INSL6: variants seen among roughly 807,000 people sequenced by gnomAD.
INSL6 encodes insulin-like peptide INSL6.
Under a neutral mutation model 9.4 loss-of-function variants are expected in INSL6, and 16 were observed. The observed-to-expected ratio is 1.70, with a 90% CI of 1.15 to 2.59. INSL6 has a LOEUF of 2.59. Among genes scored for constraint, INSL6 ranks in the 30% most tolerant of loss-of-function variants. The pLI, the probability that INSL6 is intolerant of heterozygous loss-of-function variation, is 0.00. For missense variants in INSL6, 391 were observed against 257.3 expected (o/e 1.52, Z -3.56); for synonymous variants, 154 against 96.9 (o/e 1.59, Z -3.46).
At chr9:5,153,141 G>GTT (rs57869658) in intron 2 of INSL6, among the ~76,000 whole-genome samples, 5 of 146,888 alleles carry the variant, frequency 3.4e-5, no homozygotes, top group African/African-American at 2.5e-5. Flanking sequence ...GCTAGCTGCA[G>GTT]TTTTTTTTTT....
chr9:5,126,357 G>C (rs1564029535), intron 3 of INSL6: 2 of 1,608,684 alleles, frequency 1.2e-6, no homozygotes, highest in Admixed American at 3.4e-5. Flanking sequence ...GATTGGCAAT[G>C]ACAAACAAGG....
At chr9:5,168,690 T>G (rs1386925640) in intron 1 of INSL6, among the ~76,000 whole-genome samples, 1 of 152,056 alleles carries the variant, frequency 6.6e-6, no homozygotes, top group Admixed American at 6.6e-5. Flanking sequence ...TTCCCCAAAT[T>G]AGCAAGACAG....
chr9:5,113,056 G>A, the INSL6 span, among the ~76,000 whole-genome samples: 1 of 152,108 alleles, frequency 6.6e-6, no homozygotes, highest in African/African-American at 2.4e-5. Flanking sequence ...GGGTCCAGGA[G>A]CTCCCTGGGA....
downstream of INSL6, among the ~76,000 whole-genome samples, chr9:5,122,588 T>TCC (rs1335781065): frequency 6.6e-6 from 1 of 152,048 alleles, no homozygotes; most frequent in Admixed American, 6.6e-5. Flanking sequence ...CCCAAGACCA[T>TCC]CCCCAGGTTG....
chr9:5,122,479 T>A (rs1823691931), downstream of INSL6, among the ~76,000 whole-genome samples: 1 of 152,108 alleles, frequency 6.6e-6, no homozygotes. Context: ...GCAGCTTATT[T>A]TCACTTCTTA....
intron 2 of INSL6, among the ~76,000 whole-genome samples, chr9:5,148,649 G>C (rs1472551775): frequency 6.6e-6 from 1 of 152,176 alleles, no homozygotes; most frequent in Non-Finnish European, 1.5e-5. Context: ...TGTTTCCTGA[G>C]AGTGTGGGCT....
chr9:5,174,468 A>G (rs919317306), intron 1 of INSL6, among the ~76,000 whole-genome samples: 4 of 152,188 alleles, frequency 2.6e-5, no homozygotes, highest in Non-Finnish European at 5.9e-5. Context: ...ACATACTTTC[A>G]TCATTTGGTT....
chr9:5,110,016 GT>G, the INSL6 span: 1 of 152,180 alleles, frequency 6.6e-6, no homozygotes, highest in Non-Finnish European at 1.5e-5. Flanking sequence ...TTTTATTTTA[GT>G]TATAGCATGG....
intron 1 of INSL6, among the ~76,000 whole-genome samples, chr9:5,168,832 C>A (rs1825115949): frequency 6.6e-6 from 1 of 151,842 alleles, no homozygotes; most frequent in African/African-American, 2.4e-5. Context: ...AGAGAAAGGT[C>A]GAGTCACCTA....
At chr9:5,089,101 C>T in the INSL6 span, among the ~76,000 whole-genome samples, 1 of 152,232 alleles carries the variant, frequency 6.6e-6, no homozygotes, top group African/African-American at 2.4e-5. Context: ...AATTAATGCT[C>T]ATCATTTATT....
At chr9:5,123,660 G>T (rs555395180), downstream of INSL6, among the ~76,000 whole-genome samples, 6 of 151,958 alleles carry the variant, frequency 3.9e-5, 1 homozygote, top group East Asian at 1.2e-3. Context: ...CCTTTAGGTA[G>T]ATACCCCATA....
chr9:5,126,797 A>T, intron 3 of INSL6: 1 of 1,570,100 alleles, frequency 6.4e-7, no homozygotes, highest in Non-Finnish European at 8.7e-7. Flanking sequence ...GATGAAAGAA[A>T]TGACCTTCAT....
the INSL6 span, among the ~76,000 whole-genome samples, chr9:5,028,013 A>G: frequency 6.6e-6 from 1 of 152,210 alleles, no homozygotes; most frequent in Non-Finnish European, 1.5e-5. Context: ...ACCTCCTCTC[A>G]TGAACTACAA....
the INSL6 span, among the ~76,000 whole-genome samples, chr9:5,116,216 T>C: frequency 6.6e-6 from 1 of 152,176 alleles, no homozygotes; most frequent in Non-Finnish European, 1.5e-5. Context: ...TTACCCAAGG[T>C]GGCATGACTA....
At chr9:5,019,972 T>C in the INSL6 span, among the ~76,000 whole-genome samples, 1 of 152,100 alleles carries the variant, frequency 6.6e-6, no homozygotes, top group Non-Finnish European at 1.5e-5. Flanking sequence ...GTGGCTTACA[T>C]TAGTAATGGT....
the INSL6 span, among the ~76,000 whole-genome samples, chr9:5,001,640 T>A: frequency 4.7e-4 from 70 of 149,478 alleles, no homozygotes; most frequent in African/African-American, 1.5e-3. Flanking sequence ...TTTTTTTTTT[T>A]ATGATGTGTT....
chr9:5,111,420 C>T, the INSL6 span: 4 of 400,638 alleles, frequency 1.0e-5, no homozygotes, highest in Non-Finnish European at 1.5e-5. Context: ...ACGCAGCCCA[C>T]GAAGGTCGGG....
chr9:5,048,985 T>G, the INSL6 span, among the ~76,000 whole-genome samples: 1 of 152,214 alleles, frequency 6.6e-6, no homozygotes, highest in Non-Finnish European at 1.5e-5. Flanking sequence ...CATTACATGT[T>G]CAGTCAGATT....
the INSL6 span, chr9:5,068,992 C>T: frequency 7.6e-7 from 1 of 1,307,524 alleles, no homozygotes; most frequent in African/African-American, 1.5e-5. Context: ...GTGACTATCC[C>T]TCCCTTTCTT....
Sources: allele counts gnomAD v4.1 joint callset (sites outside exome capture counted in the v4.1 genomes callset), GRCh38; gene constraint gnomAD v4.1.1; transcripts MANE v1.5; gene names NCBI Gene and HGNC (gene_info 2026-07-23, HGNC 2026-07-21).